Variants in ATF7IP2 observed in about 807,000 individuals in gnomAD.
ATF7IP2 encodes the protein activating transcription factor 7-interacting protein 2.
A neutral mutation model predicts 64.2 loss-of-function variants in ATF7IP2; 42 were observed. The ratio of observed to expected loss-of-function variants is 0.65; its 90% CI spans 0.51 to 0.85. ATF7IP2 has a LOEUF of 0.85. ATF7IP2 is among the 40% of genes least tolerant of loss of function. ATF7IP2 has a pLI of 0.00. For synonymous variants in ATF7IP2, 308 were observed against 272.8 expected (o/e 1.13, Z -1.27); for missense variants, 933 against 784.2 (o/e 1.19, Z -2.27).
intron 1 of ATF7IP2, among the ~76,000 whole-genome samples, chr16:10,391,654 T>G (rs2047327014): frequency 6.6e-6 from 1 of 152,044 alleles, no homozygotes; most frequent in Admixed American, 6.5e-5. Flanking sequence ...TCCCAGCACT[T>G]TAGGAGGCCA....
At chr16:10,461,995 GTCTC>G (rs1263487366) in intron 9 of ATF7IP2, among the ~76,000 whole-genome samples, 2 of 151,864 alleles carry the variant, frequency 1.3e-5, no homozygotes, top group African/African-American at 4.8e-5. Flanking sequence ...ATATGTATCT[GTCTC>G]TCTGTTATAG....
intron 8 of ATF7IP2, among the ~76,000 whole-genome samples, chr16:10,455,541 C>G (rs2049135521): frequency 6.6e-6 from 1 of 152,104 alleles, no homozygotes; most frequent in East Asian, 1.9e-4. Context: ...GAATTTGGTA[C>G]CAGGAAGTGT....
At chr16:10,439,681 T>A (rs1481189276) in intron 7 of ATF7IP2, among the ~76,000 whole-genome samples, 1 of 150,502 alleles carries the variant, frequency 6.6e-6, no homozygotes, top group Non-Finnish European at 1.5e-5. Context: ...TACAGGCGCC[T>A]GCCACTACAC....
intron 4 of ATF7IP2, among the ~76,000 whole-genome samples, chr16:10,429,783 TTTAA>T (rs1381690954): frequency 1.4e-5 from 2 of 147,436 alleles, no homozygotes; most frequent in African/African-American, 2.5e-5. Flanking sequence ...TTTAATTTAA[TTTAA>T]TTTTTATTTT....
intron 2 of ATF7IP2, among the ~76,000 whole-genome samples, chr16:10,417,007 A>G (rs1372084206): frequency 6.6e-6 from 1 of 152,248 alleles, no homozygotes; most frequent in East Asian, 1.9e-4. Flanking sequence ...GTATCAAATT[A>G]TCTTATGTAC....
intron 6 of ATF7IP2, among the ~76,000 whole-genome samples, chr16:10,437,552 TTATTA>T (rs1429393721): frequency 6.6e-6 from 1 of 152,198 alleles, no homozygotes; most frequent in African/African-American, 2.4e-5. Flanking sequence ...TGTTCAACAT[TTATTA>T]TATTATCTAC....
chr16:10,398,765 G>T (rs1245170780), intron 1 of ATF7IP2, among the ~76,000 whole-genome samples: 1 of 152,074 alleles, frequency 6.6e-6, no homozygotes, highest in Non-Finnish European at 1.5e-5. Context: ...CAGCTGGGGG[G>T]TGGGGTTGAA....
At chr16:10,395,643 C>A (rs997755550) in intron 1 of ATF7IP2, among the ~76,000 whole-genome samples, 3 of 152,078 alleles carry the variant, frequency 2.0e-5, no homozygotes, top group Non-Finnish European at 2.9e-5. Context: ...ATGCAAGAAT[C>A]TTTAATGTTA....
intron 1 of ATF7IP2, among the ~76,000 whole-genome samples, chr16:10,405,547 C>T (rs1033348030): frequency 1.3e-5 from 2 of 152,154 alleles, no homozygotes; most frequent in Admixed American, 1.3e-4. Context: ...AACATCCTGC[C>T]TAACCACCTG....
rs779055275 is a variant in ATF7IP2 at position 10,433,611 on chromosome 16, T to A, written c.922T>A (p.Cys308Ser). The change falls in exon 6 of 14, where the codon TGT (cysteine) becomes AGT (serine). Residue 308 changes from cysteine to serine, a missense_variant. Cys to Ser is a moderately radical substitution (Grantham distance 112). Transcript: ENST00000562102. Reference protein sequence around the residue: ...KTSEQINENICVSLERQTAFL... With the variant: ...KTSEQINENISVSLERQTAFL... ...TTCAGAGCAAATTAATGAAAATATT[T>A]GTGTAAGTTTGGAAAGGCAAACAGC... is the stretch of plus-strand genomic sequence containing the variant. The A allele has an allele frequency of 1.2e-6, 2 of 1,613,836 alleles. No homozygotes were observed. Among genetic ancestry groups the A allele is most frequent in the Non-Finnish European group, 1.7e-6 (2 of 1,179,798 alleles).
intron 2 of ATF7IP2, among the ~76,000 whole-genome samples, chr16:10,419,088 C>T (rs1038371774): frequency 1.2e-4 from 18 of 152,164 alleles, no homozygotes; most frequent in African/African-American, 2.9e-4. Flanking sequence ...TTCATTTTTT[C>T]GGGCCAGGTC....
intron 12 of ATF7IP2, among the ~76,000 whole-genome samples, chr16:10,476,932 T>C (rs2050031829): frequency 6.6e-6 from 1 of 152,200 alleles, no homozygotes; most frequent in Non-Finnish European, 1.5e-5. Context: ...TCCATGTCTT[T>C]GCTGTTGTGA....
chr16:10,426,651 CT>C (rs1408921494), intron 3 of ATF7IP2, among the ~76,000 whole-genome samples: 4 of 152,110 alleles, frequency 2.6e-5, no homozygotes, highest in Non-Finnish European at 5.9e-5. Context: ...TGAAAGGCTT[CT>C]TTACCACCAG....
chr16:10,438,224 G>T lies in ATF7IP2; in HGVS notation c.1084G>T (p.Asp362Tyr). ...CAGAAATAAGCATGAAGGAATAGCT[G>T]ATAAACTTTTGGTAAGTTTTGATTT... is the stretch of plus-strand genomic sequence containing the variant. ...ECRNKHEGIA[D>Y]KLLAKIAKLQ... Residue 362 changes from aspartate (D) to tyrosine (Y), a missense_variant, in exon 7 of 14, where the codon GAT (aspartate) becomes TAT (tyrosine). By Grantham distance (160) the Asp-to-Tyr change is radical. Transcript: ENST00000562102. 2 of 1,593,182 alleles carry T rather than the reference G, an allele frequency of 1.3e-6. No homozygotes were observed. The highest frequency in any genetic ancestry group is 1.7e-6 in the Non-Finnish European group (2 of 1,172,996).
At chr16:10,475,395 T>G (rs181011984) in intron 12 of ATF7IP2, among the ~76,000 whole-genome samples, 1 of 152,088 alleles carries the variant, frequency 6.6e-6, no homozygotes, top group Non-Finnish European at 1.5e-5. Flanking sequence ...AAGGAATTTT[T>G]AAAATATCCA....
intron 2 of ATF7IP2, among the ~76,000 whole-genome samples, chr16:10,417,961 G>A (rs2047912325): frequency 6.6e-6 from 1 of 152,202 alleles, no homozygotes; most frequent in African/African-American, 2.4e-5. Context: ...GTCGGTCGTG[G>A]AGACCCTAAC....
intron 1 of ATF7IP2, among the ~76,000 whole-genome samples, chr16:10,393,642 G>A (rs1056576720): frequency 2.0e-5 from 3 of 152,160 alleles, no homozygotes; most frequent in Non-Finnish European, 4.4e-5. Flanking sequence ...ATGATGCTCG[G>A]TAGGTTAGTT....
At chr16:10,465,121 C>T (rs1410158327) in intron 9 of ATF7IP2, among the ~76,000 whole-genome samples, 2 of 152,158 alleles carry the variant, frequency 1.3e-5, no homozygotes, top group Non-Finnish European at 2.9e-5. Flanking sequence ...TGAGCCACCA[C>T]GCCTGTCCAT....
chr16:10,420,463 A>G (rs992952026), intron 3 of ATF7IP2, among the ~76,000 whole-genome samples: 1 of 152,228 alleles, frequency 6.6e-6, no homozygotes, highest in Non-Finnish European at 1.5e-5. Context: ...ATCGCTGGAT[A>G]ATAGCTTTAG....
Sources: gnomAD v4.1 joint callset for allele counts (sites outside exome capture counted in the v4.1 genomes callset) on GRCh38, gnomAD v4.1.1 for gene constraint, MANE v1.5 for transcripts, NCBI Gene and HGNC (gene_info 2026-07-23, HGNC 2026-07-21) for gene names.